Variants in KDM5A observed in about 807,000 individuals in gnomAD.
KDM5A encodes lysine demethylase 5A, also known as lysine-specific demethylase 5A.
A neutral mutation model predicts 193.5 loss-of-function variants in KDM5A; 42 were observed. The ratio of observed to expected loss-of-function variants is 0.22; its 90% CI spans 0.17 to 0.28. The LOEUF is 0.28. Among genes scored for constraint, KDM5A ranks in the 10% least tolerant of loss-of-function variants. The pLI is 1.00. For synonymous variants in KDM5A, 796 were observed against 718.1 expected, an observed-to-expected ratio of 1.11 and a Z score of -1.73; for missense variants, 1,692 against 2,055.1, an observed-to-expected ratio of 0.82 and a Z score of 3.42.
At chr12:329,858 T>G (rs532361713) in intron 13 of KDM5A, among the ~76,000 whole-genome samples, 1 of 151,996 alleles carries the variant, frequency 6.6e-6, no homozygotes, top group Non-Finnish European at 1.5e-5. Context: ...CAGAAGAACT[T>G]GGATAAAGGA....
At chr12:323,935 G>A (rs1447445622) in intron 14 of KDM5A, among the ~76,000 whole-genome samples, 154 bp from the exon 15 acceptor site, 1 of 152,130 alleles carries the variant, frequency 6.6e-6, no homozygotes, top group Non-Finnish European at 1.5e-5. Context: ...CTTCCTAAAA[G>A]TAATCATTGC....
intron 10 of KDM5A, among the ~76,000 whole-genome samples, chr12:343,649 T>C (rs974532289): frequency 6.6e-6 from 1 of 151,866 alleles, no homozygotes; most frequent in Non-Finnish European, 1.5e-5. Flanking sequence ...TCCAACAAAC[T>C]CCAACAGATC....
intron 19 of KDM5A, among the ~76,000 whole-genome samples, chr12:317,744 A>C (rs934866273): frequency 3.3e-5 from 5 of 152,194 alleles, no homozygotes; most frequent in African/African-American, 1.2e-4. Context: ...GTGGGTCCAG[A>C]CACAATGAGG....
intron 10 of KDM5A, among the ~76,000 whole-genome samples, chr12:340,115 A>G (rs1943981849): frequency 1.3e-5 from 2 of 152,054 alleles, no homozygotes; most frequent in African/African-American, 4.8e-5. Flanking sequence ...TAGACTCAAA[A>G]GATCCACCTG....
chr12:371,663 G>T (rs1051080758), intron 3 of KDM5A, among the ~76,000 whole-genome samples: 28 of 152,118 alleles, frequency 1.8e-4, no homozygotes, highest in African/African-American at 6.5e-4. Context: ...TGGTGTTTTA[G>T]ACATGAAGTC....
chr12:386,500 C>G (rs561844194), intron 1 of KDM5A, among the ~76,000 whole-genome samples: 6 of 152,192 alleles, frequency 3.9e-5, no homozygotes, highest in African/African-American at 1.2e-4. Context: ...CACTTATTTC[C>G]ACTTAAGTAG....
In KDM5A at chr12:323,924, A is replaced by T. The variant is rs547442537; in HGVS notation, c.1969-143T>A. On this transcript the variant is annotated intron_variant, in intron 14 of 27. Transcript: ENST00000399788. ...AGGTACAATGGCACAACATCAAAATACTTCCTAAAAGTAATCATTGCTAAA... is the reference window on the plus strand; with the variant it reads ...AGGTACAATGGCACAACATCAAAATTCTTCCTAAAAGTAATCATTGCTAAA... 4 of 713,262 alleles carry T rather than the reference A, an allele frequency of 5.6e-6. No individual in the cohort carries two copies. The Admixed American group carries it at 6.8e-5, about 12-fold the overall frequency. 44.2% of individuals were successfully genotyped at this position (713,262 alleles called of 1,614,324 possible). A position where few individuals can be genotyped will look rare whatever the true frequency, so the allele number is the denominator to read the frequency against.
intron 26 of KDM5A, among the ~76,000 whole-genome samples, chr12:293,723 G>A (rs1565523721): frequency 7.6e-6 from 1 of 131,568 alleles, no homozygotes; most frequent in Non-Finnish European, 1.6e-5. Flanking sequence ...AGGTTGCAGT[G>A]AGCCGCAATC....
intron 16 of KDM5A, among the ~76,000 whole-genome samples, chr12:322,790 C>A (rs1031446194): frequency 6.6e-6 from 1 of 152,168 alleles, no homozygotes; most frequent in Non-Finnish European, 1.5e-5. Context: ...AAATAAATTT[C>A]TCTTTCCAAA....
chr12:319,531 G>A (rs540600814), intron 18 of KDM5A, among the ~76,000 whole-genome samples: 6 of 152,118 alleles, frequency 3.9e-5, no homozygotes, highest in African/African-American at 1.4e-4. Context: ...CAAGTGGATC[G>A]CTTGAGCTCA....
chr12:342,484 G>C (rs1169057628), intron 10 of KDM5A, among the ~76,000 whole-genome samples: 1 of 151,928 alleles, frequency 6.6e-6, no homozygotes, highest in African/African-American at 2.4e-5. Flanking sequence ...CTTGGAGACA[G>C]AGTCTTGCTC....
At position 322,505 on chromosome 12, in the gene KDM5A, G is replaced by C. The variant is rs1409825935; in HGVS notation, c.2338C>G (p.Leu780Val). 6.2e-7 allele frequency: 1 copy of C among 1,613,262 alleles called. No individual in the cohort carries two copies. The highest frequency in any genetic ancestry group is 8.5e-7 in the Non-Finnish European group (1 of 1,179,440). Residue 780 changes from leucine (L) to valine (V), a missense_variant, in exon 17 of 28, where the codon CTC (leucine) becomes GTC (valine). Around this residue, in one of 11 missense-constraint regions of KDM5A, gnomAD observed 965 missense variants for 1,061.0 expected, o/e 0.91. Transcript: ENST00000399788. ...ACAGCATCCCTGAGTTTTCGAAAGAGATCATTCTCTGGGTATTTCCTATCC... is the reference window on the plus strand; with the variant it reads ...ACAGCATCCCTGAGTTTTCGAAAGACATCATTCTCTGGGTATTTCCTATCC... ...AEDRKYPENDLFRKLRDAVKE... is the reference protein window; with the variant it reads ...AEDRKYPENDVFRKLRDAVKE...
chr12:374,604 G>C (rs1944476815), intron 3 of KDM5A, among the ~76,000 whole-genome samples: 1 of 152,150 alleles, frequency 6.6e-6, no homozygotes, highest in African/African-American at 2.4e-5. Context: ...GTGTGAATTT[G>C]ATCCTGTCAT....
chr12:302,121 C>T (rs571984807), intron 24 of KDM5A, among the ~76,000 whole-genome samples: 2 of 152,290 alleles, frequency 1.3e-5, no homozygotes, highest in Admixed American at 1.3e-4. Flanking sequence ...AGATTCAATG[C>T]TATTCCCATC....
chr12:372,509 T>C (rs1944442006), intron 3 of KDM5A, among the ~76,000 whole-genome samples: 1 of 152,222 alleles, frequency 6.6e-6, no homozygotes, highest in Non-Finnish European at 1.5e-5. Flanking sequence ...GATGGGGTTT[T>C]CTAAATATAC....
At chr12:323,822 C>T in intron 14 of KDM5A, 41 bp from the exon 15 acceptor site, 1 of 1,528,174 alleles carries the variant, frequency 6.5e-7, no homozygotes, top group Non-Finnish European at 9.1e-7. Flanking sequence ...TCTTTCTAGT[C>T]TTTAAAGCAT....
intron 4 of KDM5A, among the ~76,000 whole-genome samples, chr12:364,776 T>C (rs1944334622): frequency 1.3e-5 from 1 of 78,552 alleles, no homozygotes; most frequent in Non-Finnish European, 2.6e-5. Flanking sequence ...CGGAGTCTCA[T>C]CTCAAAAAAA....
In KDM5A at chr12:318,585, C is replaced by A. The variant is rs188166314; in HGVS notation, c.2542-124G>T. ...TCTTATAATCTCACCATCATAACACCAAATATTCAGATATGACAGTTAAAT... is the reference window on the plus strand; with the variant it reads ...TCTTATAATCTCACCATCATAACACAAAATATTCAGATATGACAGTTAAAT... On this transcript the variant is annotated intron_variant, in intron 18 of 27. Coordinates refer to ENST00000399788, the MANE Select transcript of KDM5A (RefSeq NM_001042603.3). The A allele has an allele frequency of 9.1e-4, 626 of 690,548 alleles. 5 individuals are homozygous for A. The African/African-American group carries it at 9.9e-3, about 11-fold the overall frequency. The allele number at this position is 690,548 out of a possible 1,614,324, so 42.8% of individuals were successfully genotyped here.
Position 345,764 on chromosome 12 carries a change from G to C in KDM5A, c.1308+4857C>G, listed in dbSNP as rs192116273. ...CCAGAATCTCTGGGACACATTTAAA[G>C]CAGTGTGTAGAGGGAAATTTATAGC... On this transcript the variant is annotated intron_variant, in intron 10 of 27. Transcript: ENST00000399788. Among the ~76,000 whole-genome samples the C allele has an allele frequency of 3.0e-3, 464 of 152,318 alleles. 1 individual carries two copies. The highest frequency in any genetic ancestry group is 5.3e-3 in the Non-Finnish European group (361 of 68,028).
Sources: allele counts gnomAD v4.1 joint callset (sites outside exome capture counted in the v4.1 genomes callset), GRCh38; gene constraint gnomAD v4.1.1; regional missense constraint gnomAD v4.1.1; transcripts MANE v1.5; gene names NCBI Gene and HGNC (gene_info 2026-07-23, HGNC 2026-07-21).